The following MAK16 variants were observed in gnomAD, a reference collection of about 807,000 sequenced individuals.
MAK16 encodes the protein protein MAK16 homolog.
Under a neutral mutation model 49.9 loss-of-function variants are expected in MAK16, and 12 were observed. The ratio of observed to expected loss-of-function variants is 0.24; its 90% CI spans 0.15 to 0.39. MAK16 has a LOEUF of 0.39. Ranked by LOEUF, MAK16 falls within the 10% of genes least tolerant of loss-of-function variation. The pLI, the probability that MAK16 is intolerant of heterozygous loss-of-function variation, is 1.00. For missense variants in MAK16, 292 were observed against 363.7 expected, an observed-to-expected ratio of 0.80 and a Z score of 1.60; for synonymous variants, 115 against 126.4, an observed-to-expected ratio of 0.91 and a Z score of 0.60.
At position 33,489,242 on chromosome 8, in the gene MAK16, G is replaced by A. The variant is rs1302238003; in HGVS notation, c.392+103G>A. On this transcript the variant is annotated intron_variant, in intron 5 of 9. Transcript: ENST00000360128. This position sits in a 1 kb window ranked among gnomAD's most constrained non-coding sequence, Gnocchi z 4.2. ...TTCGGGGCTTTCTATTCAACTTTGT[G>A]GAGTCTGTTATGATGTACTAAAGAG... 1.0e-5 allele frequency: 11 copies of A among 1,050,286 alleles called. No homozygotes were observed. Among genetic ancestry groups the A allele is most frequent in the Non-Finnish European group, 1.5e-5 (11 of 721,478 alleles). 65.1% of individuals were successfully genotyped at this position (1,050,286 alleles called of 1,614,324 possible).
intron 7 of MAK16, among the ~76,000 whole-genome samples, chr8:33,495,858 A>C (rs913452216): frequency 2.6e-5 from 4 of 151,678 alleles, no homozygotes; most frequent in Non-Finnish European, 5.9e-5. Context: ...TTGGGATTAC[A>C]GGCACCACCA....
At chr8:33,492,091 C>T (rs931643048) in intron 6 of MAK16, among the ~76,000 whole-genome samples, 3 of 151,884 alleles carry the variant, frequency 2.0e-5, no homozygotes, top group East Asian at 3.9e-4. Context: ...CTCACTGCAA[C>T]CTCTGCCTCC....
chr8:33,495,532 C>CGAA lies in MAK16; in HGVS notation c.448-10_448-9insGAA. ...ATGAATTAAACAGATTTGCTCTTTC[C>CGAA]CCCTTATAGGAAAAGGCATTAATAG... On this transcript the variant is annotated splice_polypyrimidine_tract_variant and intron_variant, in intron 6 of 9. Coordinates refer to ENST00000360128, the MANE Select transcript of MAK16 (RefSeq NM_032509.4). 6.2e-7 allele frequency: 1 copy of CGAA among 1,610,900 alleles called. No individual in the cohort carries two copies. Among genetic ancestry groups the CGAA allele is most frequent in the Non-Finnish European group, 8.5e-7 (1 of 1,178,406 alleles).
rs1052844842 is a variant in MAK16 at position 33,500,719 on chromosome 8, C to G, written c.*2090C>G. ...ACACACAGACACACCCTCTGCCACA[C>G]TGCTCTCTTCCTTCCAGAAGCTTGG... On this transcript the variant is annotated 3_prime_UTR_variant, in exon 10 of 10. Transcript: ENST00000360128. The G allele has an allele frequency of 2.1e-6, 1 of 484,136 alleles. No homozygotes were observed. The allele number at this position is 484,136 out of a possible 1,614,324, so 30.0% of individuals were successfully genotyped here. A position where few individuals can be genotyped will look rare whatever the true frequency, so the allele number is the denominator to read the frequency against.
At chr8:33,494,776 G>A (rs192866204) in intron 6 of MAK16, among the ~76,000 whole-genome samples, 12 of 152,048 alleles carry the variant, frequency 7.9e-5, no homozygotes, top group Middle Eastern at 3.4e-3. Context: ...ATGGAACATC[G>A]CTGTAGCCCT....
intron 6 of MAK16, among the ~76,000 whole-genome samples, chr8:33,490,574 ACTC>A (rs1250736296): frequency 6.6e-6 from 1 of 151,884 alleles, no homozygotes; most frequent in East Asian, 1.9e-4. Context: ...AGAATCCACA[ACTC>A]CTTTTTCTGA....
In MAK16 at chr8:33,498,718, T is replaced by C. The variant is rs1464224368; in HGVS notation, c.*89T>C. The stretch of plus-strand genomic sequence containing the variant: ...TTAAACACATACACACCTCCAGTTT[T>C]TGCTCTTTTGTGTTGTACTGAACAC... On this transcript the variant is annotated 3_prime_UTR_variant, in exon 10 of 10. Coordinates refer to ENST00000360128, the MANE Select transcript of MAK16 (RefSeq NM_032509.4). 1.3e-5 allele frequency: 15 copies of C among 1,159,580 alleles called. No homozygotes were observed. The highest frequency in any genetic ancestry group is 7.6e-5 in the South Asian group (5 of 66,106). 71.8% of individuals were successfully genotyped at this position (1,159,580 alleles called of 1,614,324 possible).
rs1808757114 is a variant in MAK16 at position 33,490,303 on chromosome 8, G to A, written c.411G>A (p.Leu137=). The change falls in exon 6 of 10, where the codon TTG becomes TTA. Residue 137 remains leucine (L), a synonymous_variant. Coordinates refer to ENST00000360128, the MANE Select transcript of MAK16 (RefSeq NM_032509.4). ...TLKRQRKLVP[L]SKKVERREKR... is the part of the protein sequence containing the mutation. ...CCCTTAGGAGGAAACTTGTTCCTTT[G>A]AGTAAGAAGGTGGAGCGTAGGGAGA... The A allele has an allele frequency of 6.2e-7, 1 of 1,612,854 alleles. No individual in the cohort carries two copies. Among genetic ancestry groups the A allele is most frequent in the South Asian group, 1.1e-5 (1 of 91,018 alleles).
chr8:33,494,520 C>G (rs1419537693), intron 6 of MAK16, among the ~76,000 whole-genome samples: 1 of 152,192 alleles, frequency 6.6e-6, no homozygotes, highest in African/African-American at 2.4e-5. Context: ...TCTAAATAAA[C>G]AAGTGAGACC....
At chr8:33,486,606 A>G (rs957826705) in intron 1 of MAK16, among the ~76,000 whole-genome samples, 3 of 152,214 alleles carry the variant, frequency 2.0e-5, no homozygotes. Flanking sequence ...TAGTAATTTA[A>G]TGGTGGAGAT....
Position 33,495,457 on chromosome 8 carries a change from A to G in MAK16, c.448-85A>G, listed in dbSNP as rs535275645. On this transcript the variant is annotated intron_variant, in intron 6 of 9. Coordinates refer to ENST00000360128, the MANE Select transcript of MAK16 (RefSeq NM_032509.4). ...GAAATAATTACATTGTCTTTCTTAT[A>G]AACAACTTGGTAGTTTCTTCCATTT... The G allele has an allele frequency of 3.5e-6, 4 of 1,151,430 alleles. No homozygotes were observed. In the South Asian group the frequency reaches 4.1e-5, roughly 12 times the overall value. 71.3% of individuals were successfully genotyped at this position (1,151,430 alleles called of 1,614,324 possible). A position where few individuals can be genotyped will look rare whatever the true frequency, so the allele number is the denominator to read the frequency against.
Position 33,500,566 on chromosome 8 carries a change from A to T in MAK16, c.*1937A>T. 1 of 1,552,902 alleles carries T rather than the reference A, an allele frequency of 6.4e-7. No individual in the cohort carries two copies. Among genetic ancestry groups the T allele is most frequent in the Non-Finnish European group, 8.8e-7 (1 of 1,137,390 alleles). ...ATTGGAAGAGACTTCAAAGACTGTC[A>T]AGTGGAAAGCTATCATTTCCTAAAT... On this transcript the variant is annotated 3_prime_UTR_variant, in exon 10 of 10. Coordinates refer to ENST00000360128, the MANE Select transcript of MAK16 (RefSeq NM_032509.4).
Position 33,488,615 on chromosome 8 carries a change from T to C in MAK16, c.161T>C (p.Ile54Thr). 1 of 1,614,110 alleles carries C rather than the reference T, an allele frequency of 6.2e-7. No homozygotes were observed. The highest frequency in any genetic ancestry group is 8.5e-7 in the Non-Finnish European group (1 of 1,179,964). Residue 54 changes from isoleucine (I) to threonine (T), a missense_variant, in exon 3 of 10, where the codon ATT (isoleucine) becomes ACT (threonine). Physicochemically the swap from Ile to Thr is moderately conservative, Grantham distance 89 (BLOSUM62 -1). Coordinates refer to ENST00000360128, the MANE Select transcript of MAK16 (RefSeq NM_032509.4). ...CTGGCAAATAGTCAGTATGCCACTATTAAAGAAGAGAAAGGTAACTCCCCA... is the reference window on the plus strand; with the variant it reads ...CTGGCAAATAGTCAGTATGCCACTACTAAAGAAGAGAAAGGTAACTCCCCA... ...CPLANSQYAT[I>T]KEEKGQCYLY...
Position 33,488,619 on chromosome 8 carries a change from A to G in MAK16, c.165A>G (p.Lys55=), listed in dbSNP as rs1297673194. ...PLANSQYATI[K]EEKGQCYLYM... is the part of the protein sequence containing the mutation. ...CAAATAGTCAGTATGCCACTATTAA[A>G]GAAGAGAAAGGTAACTCCCCAGTTT... The change falls in exon 3 of 10, where the codon AAA becomes AAG. Residue 55 remains lysine, a synonymous_variant. Coordinates refer to ENST00000360128, the MANE Select transcript of MAK16 (RefSeq NM_032509.4). 9 of 1,614,132 alleles carry G rather than the reference A, an allele frequency of 5.6e-6. No homozygotes were observed. The highest frequency in any genetic ancestry group is 2.2e-5 in the East Asian group (1 of 44,890).
intron 9 of MAK16, among the ~76,000 whole-genome samples, chr8:33,497,737 G>A (rs374499471): frequency 4.6e-5 from 7 of 151,372 alleles, no homozygotes; most frequent in East Asian, 2.0e-4. Context: ...CTGGTAATCC[G>A]CCTGCCTCAG....
rs1563350078 is a variant in MAK16 at position 33,500,409 on chromosome 8, A to G, written c.*1780A>G. On this transcript the variant is annotated 3_prime_UTR_variant, in exon 10 of 10. Coordinates refer to ENST00000360128, the MANE Select transcript of MAK16 (RefSeq NM_032509.4). ...GTAGCAGGGCGCTCTTAACAGACTC[A>G]GGTGTAAGGTTTGGATCCCTTGCTA... 2 of 1,614,082 alleles carry G rather than the reference A, an allele frequency of 1.2e-6. No individual in the cohort carries two copies. Among genetic ancestry groups the G allele is most frequent in the Non-Finnish European group, 1.7e-6 (2 of 1,180,032 alleles).
chr8:33,490,066 G>GT (rs1205098063), intron 5 of MAK16, among the ~76,000 whole-genome samples: 1 of 152,144 alleles, frequency 6.6e-6, no homozygotes, highest in African/African-American at 2.4e-5. Context: ...AGCGTTTAGT[G>GT]TATCTTGCTG....
In MAK16 at chr8:33,488,522, C is replaced by A; in HGVS notation, c.68C>A (p.Thr23Asn). Residue 23 changes from threonine to asparagine, a missense_variant and splice_region_variant, in exon 3 of 10, where the codon ACC (threonine) becomes AAC (asparagine). Coordinates refer to ENST00000360128, the MANE Select transcript of MAK16 (RefSeq NM_032509.4). ...NKQFCSFKIR[T>N]KTQSFCRNEY... is the part of the protein sequence containing the mutation. ...TTGTTTCTTTTCTCCCATTCTAGAA[C>A]CAAGACTCAGAGCTTCTGCCGAAAT... 1 of 1,614,098 alleles carries A rather than the reference C, an allele frequency of 6.2e-7. No homozygotes were observed. The highest frequency in any genetic ancestry group is 8.5e-7 in the Non-Finnish European group (1 of 1,180,002).
At position 33,489,176 on chromosome 8, in the gene MAK16, CTT is replaced by C. The variant is rs773255430; in HGVS notation, c.392+41_392+42del. On this transcript the variant is annotated intron_variant, in intron 5 of 9. Coordinates refer to ENST00000360128, the MANE Select transcript of MAK16 (RefSeq NM_032509.4). This position sits in a 1 kb window ranked among gnomAD's most constrained non-coding sequence, Gnocchi z 4.2. ...GATCATTCATTATTTTTAAATCTCT[CTT>C]TTTATGGAGCTTGTTTTGAAGTTGA... 1.3e-6 allele frequency: 2 copies of C among 1,561,206 alleles called. No individual in the cohort carries two copies. The highest frequency in any genetic ancestry group is 1.7e-6 in the Non-Finnish European group (2 of 1,145,776).
Sources: allele counts gnomAD v4.1 joint callset (sites outside exome capture counted in the v4.1 genomes callset), GRCh38; gene constraint gnomAD v4.1.1; non-coding constraint Gnocchi (gnomAD v3.1); transcripts MANE v1.5; gene names NCBI Gene and HGNC (gene_info 2026-07-23, HGNC 2026-07-21).